Variants in ASTN2 observed in about 807,000 individuals in gnomAD.
ASTN2 encodes the protein astrotactin-2.
ASTN2 carries 54 observed loss-of-function variants against 139.8 expected under a neutral mutation model. The ratio of observed to expected loss-of-function variants is 0.39; its 90% CI spans 0.31 to 0.48. The LOEUF (loss-of-function observed/expected upper bound fraction) is 0.48, where lower values mean the gene tolerates loss of function less well. Ranked by LOEUF, ASTN2 falls within the 20% of genes least tolerant of loss-of-function variation. ASTN2 has a pLI of 0.95. For missense variants in ASTN2, 1,565 were observed against 1,725.1 expected (o/e 0.91, Z 1.64); for synonymous variants, 756 against 719.5 (o/e 1.05, Z -0.81).
At chr9:116,672,582 C>A (rs1337624187) in intron 16 of ASTN2, among the ~76,000 whole-genome samples, 1 of 152,116 alleles carries the variant, frequency 6.6e-6, no homozygotes, top group Non-Finnish European at 1.5e-5. Flanking sequence ...ATCCACAGAG[C>A]ACATATTCTT....
At chr9:116,493,587 C>T (rs979757399) in intron 19 of ASTN2, among the ~76,000 whole-genome samples, 1 of 152,072 alleles carries the variant, frequency 6.6e-6, no homozygotes, top group African/African-American at 2.4e-5. Context: ...CTAGAGGCCC[C>T]ACCCCCTATT....
chr9:117,312,857 C>CT (rs1423457903), intron 1 of ASTN2, among the ~76,000 whole-genome samples: 4 of 152,042 alleles, frequency 2.6e-5, no homozygotes, highest in African/African-American at 9.7e-5. Context: ...ATTTTGAATC[C>CT]TTTTAGGAAA....
At position 116,440,333 on chromosome 9, in the gene ASTN2, T is replaced by C. The variant is rs1268687050; in HGVS notation, c.3782+276A>G. 3.3e-5 allele frequency among the ~76,000 whole-genome samples: 5 copies of C among 152,300 alleles called. 1 individual carries two copies. Among genetic ancestry groups the C allele is most frequent in the East Asian group, 1.9e-4 (1 of 5,164 alleles). On this transcript the variant is annotated intron_variant, in intron 22 of 22. Transcript: ENST00000313400. The stretch of plus-strand genomic sequence containing the variant: ...CTTCAAAGAGCCTAAGTTTCCTATC[T>C]GTAAAATGAGGTGGGAGATGAGCAA...
At chr9:116,673,564 G>A (rs1859325117) in intron 16 of ASTN2, among the ~76,000 whole-genome samples, 2 of 152,208 alleles carry the variant, frequency 1.3e-5, no homozygotes, top group African/African-American at 2.4e-5. Context: ...TAATACTGGA[G>A]TGGGGCAGGT....
intron 4 of ASTN2, among the ~76,000 whole-genome samples, chr9:117,107,500 T>A (rs779556710): frequency 5.3e-5 from 8 of 152,232 alleles, no homozygotes; most frequent in African/African-American, 1.7e-4. Flanking sequence ...TTTTCAAATC[T>A]TAGTAATTTT....
At chr9:117,235,228 T>C (rs1489749526) in intron 2 of ASTN2, among the ~76,000 whole-genome samples, 2 of 150,202 alleles carry the variant, frequency 1.3e-5, no homozygotes, top group African/African-American at 4.9e-5. Flanking sequence ...ACAGCAAGAC[T>C]CTGTCTCAAT....
chr9:117,127,090 C>T (rs1829707652), intron 4 of ASTN2, among the ~76,000 whole-genome samples: 1 of 152,152 alleles, frequency 6.6e-6, no homozygotes, highest in Admixed American at 6.5e-5. Flanking sequence ...TCTGCTGGGA[C>T]CACAGATGCT....
chr9:116,590,581 A>C (rs1854338970), intron 19 of ASTN2, among the ~76,000 whole-genome samples: 1 of 152,194 alleles, frequency 6.6e-6, no homozygotes, highest in Non-Finnish European at 1.5e-5. Flanking sequence ...GGAAAGGGGC[A>C]GGTCCCCAGT....
intron 19 of ASTN2, among the ~76,000 whole-genome samples, chr9:116,603,938 T>C (rs112276508): frequency 2.0e-5 from 3 of 152,290 alleles, no homozygotes; most frequent in African/African-American, 7.2e-5. Flanking sequence ...TATAATTAAT[T>C]AGTGGAACCA....
intron 10 of ASTN2, among the ~76,000 whole-genome samples, chr9:116,964,105 T>C (rs1835939400): frequency 1.3e-5 from 2 of 152,104 alleles, no homozygotes; most frequent in South Asian, 2.1e-4. Flanking sequence ...GGGATCCTCT[T>C]TGATATTAGT....
chr9:117,290,046 C>T (rs1834549148), intron 2 of ASTN2, among the ~76,000 whole-genome samples: 1 of 152,158 alleles, frequency 6.6e-6, no homozygotes. Flanking sequence ...TGTGGAGTCT[C>T]AAAAAATACT....
At chr9:117,225,574 T>C (rs3041184) in intron 2 of ASTN2, among the ~76,000 whole-genome samples, 50,204 of 77,110 alleles carry the variant, frequency 0.65, 18,964 homozygotes, top group Non-Finnish European at 0.79. Context: ...TATATATATA[T>C]ACAGATGAAC....
intron 5 of ASTN2, among the ~76,000 whole-genome samples, chr9:117,077,180 T>C (rs1233372355): frequency 1.3e-5 from 2 of 152,142 alleles, no homozygotes; most frequent in Non-Finnish European, 2.9e-5. Context: ...GAACCAGGCT[T>C]GGGCTCTGCC....
chr9:117,350,627 G>A (rs985462837), intron 1 of ASTN2, among the ~76,000 whole-genome samples: 2 of 151,978 alleles, frequency 1.3e-5, no homozygotes, highest in Admixed American at 6.6e-5. Flanking sequence ...TGTAGTCAGA[G>A]GGAAACATAG....
intron 7 of ASTN2, among the ~76,000 whole-genome samples, chr9:117,003,963 T>C (rs1209116617): frequency 2.0e-5 from 3 of 151,112 alleles, no homozygotes; most frequent in South Asian, 2.1e-4. Context: ...CGTGTGTGTG[T>C]GTGTGTGTGT....
chr9:116,625,253 A>AC (rs1402994373), intron 17 of ASTN2, among the ~76,000 whole-genome samples: 2 of 152,122 alleles, frequency 1.3e-5, no homozygotes. Flanking sequence ...ACATGGTGGA[A>AC]CCCCATCTCT....
chr9:116,883,143 A>G (rs999849668), intron 10 of ASTN2, among the ~76,000 whole-genome samples: 9 of 152,216 alleles, frequency 5.9e-5, no homozygotes, highest in African/African-American at 2.2e-4. Flanking sequence ...TACATATCTA[A>G]CAGTGAGGAA....
chr9:117,084,499 G>C (rs765217340), intron 5 of ASTN2, among the ~76,000 whole-genome samples: 1 of 152,206 alleles, frequency 6.6e-6, no homozygotes, highest in Non-Finnish European at 1.5e-5. Flanking sequence ...CCACAGCTAC[G>C]CAACTTATTG....
chr9:116,933,736 G>A (rs1564347480), intron 10 of ASTN2, among the ~76,000 whole-genome samples: 1 of 151,738 alleles, frequency 6.6e-6, no homozygotes, highest in East Asian at 1.9e-4. Context: ...AATTATGCTG[G>A]AACCCACATG....
Sources: gnomAD v4.1 joint callset for allele counts (sites outside exome capture counted in the v4.1 genomes callset) on GRCh38, gnomAD v4.1.1 for gene constraint, MANE v1.5 for transcripts, NCBI Gene and HGNC (gene_info 2026-07-23, HGNC 2026-07-21) for gene names.